Variants in FRMD4A observed in about 807,000 individuals in gnomAD.
FRMD4A encodes FERM domain containing 4A.
A neutral mutation model predicts 129.1 loss-of-function variants in FRMD4A; 29 were observed. The ratio of observed to expected loss-of-function variants is 0.22; its 90% CI spans 0.17 to 0.31. The LOEUF is 0.31. Ranked by LOEUF, FRMD4A falls within the 10% of genes least tolerant of loss-of-function variation. The pLI is 1.00. For synonymous variants in FRMD4A, 634 were observed against 571.6 expected, an observed-to-expected ratio of 1.11 and a Z score of -1.56; for missense variants, 1,272 against 1,375.8, an observed-to-expected ratio of 0.92 and a Z score of 1.19.
intron 4 of FRMD4A, among the ~76,000 whole-genome samples, chr10:13,806,599 A>C (rs902108968): frequency 2.6e-5 from 4 of 152,174 alleles, no homozygotes; most frequent in African/African-American, 9.7e-5. Context: ...GGGAGAGAGC[A>C]CAGGAAATAC....
chr10:14,271,679 A>G (rs1248614674), intron 2 of FRMD4A, among the ~76,000 whole-genome samples: 3 of 152,206 alleles, frequency 2.0e-5, no homozygotes, highest in Non-Finnish European at 4.4e-5. Flanking sequence ...TCTTCTTACA[A>G]TGCTGGATCT....
intron 2 of FRMD4A, among the ~76,000 whole-genome samples, chr10:13,922,516 G>A (rs1000828093): frequency 6.6e-6 from 1 of 152,156 alleles, no homozygotes; most frequent in Non-Finnish European, 1.5e-5. Flanking sequence ...TATACAGGTG[G>A]TTTATTTTTT....
chr10:13,665,985 C>CGT (rs1404303258), intron 18 of FRMD4A, 112 bp downstream of exon 18: 3 of 693,544 alleles, frequency 4.3e-6, no homozygotes, highest in Non-Finnish European at 7.7e-6. Flanking sequence ...ATGAAGGCAG[C>CGT]GGACAGTTAG....
chr10:13,859,218 C>T (rs7896699), intron 2 of FRMD4A, among the ~76,000 whole-genome samples: 32,528 of 151,924 alleles, frequency 0.21, 4,515 homozygotes, highest in Middle Eastern at 0.32. Flanking sequence ...AACCCCGTCT[C>T]TACTAAAAAT....
chr10:14,026,768 C>T (rs1443861134), intron 2 of FRMD4A, among the ~76,000 whole-genome samples: 9 of 152,178 alleles, frequency 5.9e-5, no homozygotes, highest in Admixed American at 3.3e-4. Context: ...ACTATAGCTG[C>T]CCTGAAGGTC....
At chr10:13,792,621 T>G (rs1027702026) in intron 5 of FRMD4A, among the ~76,000 whole-genome samples, 9 of 152,226 alleles carry the variant, frequency 5.9e-5, no homozygotes, top group African/African-American at 2.2e-4. Context: ...CCAGGGTTGC[T>G]GCAAAGATTA....
At chr10:13,716,336 TCTTACA>T (rs1589519899) in intron 12 of FRMD4A, among the ~76,000 whole-genome samples, 1 of 152,152 alleles carries the variant, frequency 6.6e-6, no homozygotes, top group Non-Finnish European at 1.5e-5. Flanking sequence ...GATGACTCAG[TCTTACA>T]CAGAACAGAG....
chr10:14,061,293 A>G (rs1834801303), intron 2 of FRMD4A, among the ~76,000 whole-genome samples: 1 of 152,106 alleles, frequency 6.6e-6, no homozygotes, highest in African/African-American at 2.4e-5. Flanking sequence ...CTCTACTAAA[A>G]ATACAAAAAT....
chr10:14,073,882 T>C (rs1442652804), intron 2 of FRMD4A, among the ~76,000 whole-genome samples: 2 of 151,908 alleles, frequency 1.3e-5, no homozygotes, highest in Non-Finnish European at 2.9e-5. Flanking sequence ...AAGGCTGAGG[T>C]GGGAGGATCA....
intron 2 of FRMD4A, among the ~76,000 whole-genome samples, chr10:14,082,387 A>G (rs1564272660): frequency 6.6e-6 from 1 of 152,204 alleles, no homozygotes; most frequent in Non-Finnish European, 1.5e-5. Context: ...CAACTTACTT[A>G]AGTAGGTTGA....
At chr10:13,766,724 G>A (rs1451909043) in intron 6 of FRMD4A, among the ~76,000 whole-genome samples, 3 of 152,040 alleles carry the variant, frequency 2.0e-5, no homozygotes, top group South Asian at 2.1e-4. Flanking sequence ...ATTCTACCAC[G>A]ATGGAGCAGA....
At chr10:13,799,737 A>G (rs1008572827) in intron 4 of FRMD4A, among the ~76,000 whole-genome samples, 1 of 152,010 alleles carries the variant, frequency 6.6e-6, no homozygotes, top group African/African-American at 2.4e-5. Flanking sequence ...ATGTTTAGCC[A>G]TTGTGCAAGG....
intron 2 of FRMD4A, among the ~76,000 whole-genome samples, chr10:14,140,165 G>A (rs1019428700): frequency 5.3e-5 from 8 of 152,000 alleles, no homozygotes; most frequent in African/African-American, 7.3e-5. Context: ...AGGTTCAAGC[G>A]ATTCTCCCAC....
intron 3 of FRMD4A, 127 bp downstream of exon 3, chr10:13,858,720 T>C: frequency 1.4e-6 from 1 of 723,276 alleles, no homozygotes. Context: ...TCCTAGTCAT[T>C]CTCTCACAGA....
chr10:13,685,906 G>A (rs1037380754), intron 15 of FRMD4A, among the ~76,000 whole-genome samples: 1 of 151,382 alleles, frequency 6.6e-6, no homozygotes, highest in African/African-American at 2.5e-5. Context: ...AACACCTCAG[G>A]GGATAAATAT....
chr10:13,881,990 G>GGTGTGT (rs71388128), intron 2 of FRMD4A, among the ~76,000 whole-genome samples: 4 of 15,582 alleles, frequency 2.6e-4, no homozygotes, highest in African/African-American at 4.0e-4. Context: ...GAGAGGCAAG[G>GGTGTGT]GTGTGTGTGT....
intron 8 of FRMD4A, among the ~76,000 whole-genome samples, chr10:13,754,288 GC>G (rs1486062899): frequency 9.7e-6 from 1 of 103,218 alleles, no homozygotes; most frequent in Non-Finnish European, 2.0e-5. Flanking sequence ...ATATCATCCT[GC>G]AAAAAAAAAA....
chr10:13,854,403 A>G (rs528843977), intron 3 of FRMD4A, among the ~76,000 whole-genome samples: 1 of 152,062 alleles, frequency 6.6e-6, no homozygotes, highest in African/African-American at 2.4e-5. Context: ...GGCTCCTCTC[A>G]TTTTGATGAA....
Position 13,890,557 on chromosome 10 carries a change from C to T in FRMD4A, c.46-31645G>A, listed in dbSNP as rs1330771756. The stretch of plus-strand genomic sequence containing the variant: ...GCAGATGTATTCCCGATAGAACAGG[C>T]TGTCACCACTGACCAGCTCAGACTT... On this transcript the variant is annotated intron_variant, in intron 2 of 24. Transcript: ENST00000357447. 12 of 982,378 alleles carry T rather than the reference C, an allele frequency of 1.2e-5. No individual in the cohort carries two copies. In the African/African-American group the frequency reaches 1.9e-4, roughly 16 times the overall value. The allele number at this position is 982,378 out of a possible 1,614,324, so 60.9% of individuals were successfully genotyped here.
Sources: allele counts gnomAD v4.1 joint callset (sites outside exome capture counted in the v4.1 genomes callset), GRCh38; gene constraint gnomAD v4.1.1; transcripts MANE v1.5; gene names NCBI Gene and HGNC (gene_info 2026-07-23, HGNC 2026-07-21).